ARID4B: variants seen among roughly 807,000 people sequenced by gnomAD.
ARID4B encodes the protein AT-rich interaction domain 4B.
In ARID4B, 26 loss-of-function variants were observed where a neutral mutation model predicts 147.5. The observed-to-expected ratio is 0.18, with a 90% CI of 0.13 to 0.24. ARID4B has a LOEUF of 0.24. Ranked by LOEUF, ARID4B falls within the 10% of genes least tolerant of loss-of-function variation. The probability of loss-of-function intolerance (pLI) is 1.00; values close to 1 mark genes in which losing one functional copy is unlikely to be tolerated. For synonymous variants in ARID4B, 512 were observed against 507.9 expected, an observed-to-expected ratio of 1.01 and a Z score of -0.11; for missense variants, 1,179 against 1,511.5, an observed-to-expected ratio of 0.78 and a Z score of 3.65.
intron 2 of ARID4B, among the ~76,000 whole-genome samples, chr1:235,309,482 C>T (rs1487473192): frequency 5.4e-5 from 8 of 148,364 alleles, no homozygotes; most frequent in African/African-American, 2.0e-4. Context: ...GGCGCCTCTG[C>T]CCGGCCGCCC....
At chr1:235,223,366 C>CACGTATATATATATATATATAT (rs1667598067) in intron 12 of ARID4B, 106 bp from the exon 13 acceptor site, 1 of 301,732 alleles carries the variant, frequency 3.3e-6, no homozygotes, top group African/African-American at 2.4e-5. Flanking sequence ...TATATATATA[C>CACGTATATATATATATATATAT]ACGTATATAT....
intron 17 of ARID4B, among the ~76,000 whole-genome samples, chr1:235,208,202 T>C (rs1666453905): frequency 6.6e-6 from 1 of 152,244 alleles, no homozygotes; most frequent in Admixed American, 6.5e-5. Context: ...CACTCAGTTG[T>C]TACTAAACAA....
intron 17 of ARID4B, among the ~76,000 whole-genome samples, chr1:235,199,121 C>A (rs908355193): frequency 3.9e-5 from 6 of 152,008 alleles, no homozygotes; most frequent in Admixed American, 2.0e-4. Context: ...AAAAAAAATT[C>A]TCATGGAATA....
chr1:235,292,268 A>C (rs2103214733), intron 2 of ARID4B, among the ~76,000 whole-genome samples: 1 of 152,322 alleles, frequency 6.6e-6, no homozygotes, highest in African/African-American at 2.4e-5. Flanking sequence ...TTCCAGTTTC[A>C]AATATTCAAT....
intron 2 of ARID4B, among the ~76,000 whole-genome samples, chr1:235,284,031 C>T (rs1671823762): frequency 6.6e-6 from 1 of 152,140 alleles, no homozygotes; most frequent in African/African-American, 2.4e-5. Context: ...ACCACCACGC[C>T]CAGCCTCATT....
chr1:235,274,993 T>TTGTGTGTGTGTG (rs72168611), intron 2 of ARID4B, among the ~76,000 whole-genome samples: 28 of 148,514 alleles, frequency 1.9e-4, no homozygotes, highest in African/African-American at 5.9e-4. Context: ...AGGCCTAATT[T>TTGTGTGTGTGTG]TGTGTGTGTG....
chr1:235,249,163 T>C (rs1669482622), intron 6 of ARID4B, among the ~76,000 whole-genome samples: 1 of 151,706 alleles, frequency 6.6e-6, no homozygotes. Flanking sequence ...CGAAACCCCA[T>C]CTCTACTAAA....
intron 16 of ARID4B, among the ~76,000 whole-genome samples, chr1:235,218,156 T>G (rs935599242): frequency 6.6e-6 from 1 of 152,196 alleles, no homozygotes; most frequent in African/African-American, 2.4e-5. Flanking sequence ...CAGGGAGTAC[T>G]ATATAAACAG....
At chr1:235,221,308 T>C (rs1667452163) in intron 14 of ARID4B, among the ~76,000 whole-genome samples, 1 of 152,226 alleles carries the variant, frequency 6.6e-6, no homozygotes, top group Admixed American at 6.5e-5. Flanking sequence ...GTGGATTTAC[T>C]TGACTTCAGA....
intron 8 of ARID4B, among the ~76,000 whole-genome samples, chr1:235,235,175 GAC>G (rs1213233857): frequency 6.6e-6 from 1 of 152,082 alleles, no homozygotes; most frequent in African/African-American, 2.4e-5. Context: ...ATAGGCAGAT[GAC>G]AGAGTTATTC....
chr1:235,227,821 T>G (rs1316424434), intron 11 of ARID4B, among the ~76,000 whole-genome samples: 1 of 150,396 alleles, frequency 6.6e-6, no homozygotes, highest in African/African-American at 2.5e-5. Flanking sequence ...TGATCTTTAC[T>G]TTTCTGCTAT....
rs192546876 is a variant in ARID4B, at chr1:235,226,462, G to A, written c.898-1687C>T. On this transcript the variant is annotated intron_variant, in intron 11 of 23. Coordinates refer to ENST00000264183, the MANE Select transcript of ARID4B (RefSeq NM_016374.6). ...TGCAACCTCCGCTTCCTGGGTTCAA[G>A]CAATCCTGCTGCCTCAGCCTCCCTA... 9.5e-3 allele frequency among the ~76,000 whole-genome samples: 1,425 copies of A among 149,602 alleles called. 14 individuals carry two copies. Among genetic ancestry groups the A allele is most frequent in the Non-Finnish European group, 0.013 (850 of 67,840 alleles).
rs1664308532 is a variant in ARID4B at position 235,181,536 on chromosome 1, T to C, written c.3334+49A>G. On this transcript the variant is annotated intron_variant, in intron 20 of 23. Coordinates refer to ENST00000264183, the MANE Select transcript of ARID4B (RefSeq NM_016374.6). ...AGATACTGTGAAATCATTGAAACTT[T>C]AAGAGGGGAAACCCTAAAATAAGTC... The C allele has an allele frequency of 1.9e-6, 3 of 1,564,970 alleles. No homozygotes were observed. In the African/African-American group the frequency reaches 4.1e-5, roughly 21 times the overall value.
intron 13 of ARID4B, 56 bp downstream of exon 13, chr1:235,223,110 T>C: frequency 6.8e-6 from 8 of 1,176,522 alleles, no homozygotes; most frequent in South Asian, 2.8e-5. Context: ...AGATGGCAGA[T>C]ACCTGAGAAA....
intron 2 of ARID4B, among the ~76,000 whole-genome samples, chr1:235,324,206 C>T (rs1410092845): frequency 6.6e-6 from 1 of 152,010 alleles, no homozygotes; most frequent in African/African-American, 2.4e-5. Context: ...CATGCCCAGC[C>T]GGCACCACTG....
chr1:235,311,765 C>A (rs1674069979), intron 2 of ARID4B, among the ~76,000 whole-genome samples: 1 of 151,490 alleles, frequency 6.6e-6, no homozygotes, highest in Non-Finnish European at 1.5e-5. Context: ...CAGAGCAAGA[C>A]CCTGTCTCAA....
intron 2 of ARID4B, among the ~76,000 whole-genome samples, chr1:235,272,747 A>G (rs1000031927): frequency 1.3e-5 from 2 of 148,276 alleles, no homozygotes; most frequent in African/African-American, 4.9e-5. Flanking sequence ...TTAAATACAT[A>G]CAATACCAAT....
intron 2 of ARID4B, among the ~76,000 whole-genome samples, chr1:235,311,302 G>A (rs546246187): frequency 6.0e-5 from 9 of 151,200 alleles, no homozygotes; most frequent in African/African-American, 2.2e-4. Context: ...ACAGTGAGCC[G>A]TGATTGTACT....
intron 2 of ARID4B, among the ~76,000 whole-genome samples, chr1:235,261,975 A>G (rs1572101885): frequency 6.6e-6 from 1 of 152,344 alleles, no homozygotes; most frequent in East Asian, 1.9e-4. Flanking sequence ...TTGGAGATTC[A>G]TAAATGTAAG....
Sources: allele counts gnomAD v4.1 joint callset (sites outside exome capture counted in the v4.1 genomes callset), GRCh38; gene constraint gnomAD v4.1.1; transcripts MANE v1.5; gene names NCBI Gene and HGNC (gene_info 2026-07-23, HGNC 2026-07-21).